PRKG2: variants seen among roughly 807,000 people sequenced by gnomAD.
The protein encoded by PRKG2 is cGMP-dependent protein kinase 2.
Under a neutral mutation model 97.2 loss-of-function variants are expected in PRKG2, and 33 were observed. The ratio of observed to expected loss-of-function variants is 0.34; its 90% CI spans 0.26 to 0.45. The LOEUF (loss-of-function observed/expected upper bound fraction) is 0.45, where lower values mean the gene tolerates loss of function less well. Ranked by LOEUF, PRKG2 falls within the 20% of genes least tolerant of loss-of-function variation. The pLI is 1.00. For missense variants in PRKG2, 638 were observed against 900.0 expected (o/e 0.71, Z 3.73); for synonymous variants, 330 against 321.8 (o/e 1.03, Z -0.27).
At chr4:81,097,986 T>C (rs1742297071) in intron 17 of PRKG2, among the ~76,000 whole-genome samples, 1 of 152,156 alleles carries the variant, frequency 6.6e-6, no homozygotes, top group African/African-American at 2.4e-5. Context: ...TGGTTAATAA[T>C]GAGAGGCAAG....
intron 2 of PRKG2, among the ~76,000 whole-genome samples, chr4:81,181,793 T>C (rs1477599361): frequency 1.1e-4 from 17 of 151,962 alleles, no homozygotes; most frequent in Admixed American, 1.1e-3. Context: ...TCATACTATG[T>C]AGTCCAGCAT....
chr4:81,128,562 G>A (rs1745836580), intron 14 of PRKG2, among the ~76,000 whole-genome samples: 1 of 152,154 alleles, frequency 6.6e-6, no homozygotes, highest in African/African-American at 2.4e-5. Flanking sequence ...AGCCTTGGGA[G>A]GGTGTATGTG....
intron 14 of PRKG2, among the ~76,000 whole-genome samples, chr4:81,111,574 C>T (rs1158203323): frequency 3.3e-5 from 5 of 152,050 alleles, no homozygotes; most frequent in Non-Finnish European, 7.4e-5. Flanking sequence ...CAGGTGACAT[C>T]TGAGCTTGGC....
intron 17 of PRKG2, among the ~76,000 whole-genome samples, chr4:81,098,117 A>C (rs1378925753): frequency 1.3e-5 from 2 of 152,132 alleles, no homozygotes; most frequent in Non-Finnish European, 1.5e-5. Context: ...GGCACAACCT[A>C]ATTAGCTGCC....
intron 1 of PRKG2, among the ~76,000 whole-genome samples, chr4:81,209,355 G>T (rs911096446): frequency 6.6e-6 from 1 of 152,070 alleles, no homozygotes; most frequent in African/African-American, 2.4e-5. Flanking sequence ...TCTGGAGTCT[G>T]TTATAAATAT....
At position 81,088,580 on chromosome 4, in the gene PRKG2, G is replaced by A. The variant is rs146687720; in HGVS notation, c.*1128C>T. The A allele has an allele frequency of 1.2e-4, 18 of 152,252 alleles. No homozygotes were observed. Among genetic ancestry groups the A allele is most frequent in the African/African-American group, 4.3e-4 (18 of 41,560 alleles). The allele number at this position is 152,252 out of a possible 1,614,324, so 9.4% of individuals were successfully genotyped here. ...GCAAGGAAGGGATAGGAGGGATGCT[G>A]TTGTCCCTTTTACTTCTGAAATCCT... On this transcript the variant is annotated 3_prime_UTR_variant, in exon 19 of 19. Transcript: ENST00000264399.
intron 15 of PRKG2, among the ~76,000 whole-genome samples, chr4:81,108,277 G>T (rs1743553107): frequency 6.6e-6 from 1 of 151,982 alleles, no homozygotes; most frequent in African/African-American, 2.4e-5. Flanking sequence ...AATTAAAGAT[G>T]ACTTTCCATG....
At chr4:81,148,612 G>A (rs113959290) in intron 9 of PRKG2, among the ~76,000 whole-genome samples, 7 of 152,260 alleles carry the variant, frequency 4.6e-5, no homozygotes, top group African/African-American at 1.7e-4. Flanking sequence ...TTCCCTAGAA[G>A]ATGCAGAATT....
At chr4:81,102,878 T>C (rs1367196898) in intron 17 of PRKG2, among the ~76,000 whole-genome samples, 1 of 152,206 alleles carries the variant, frequency 6.6e-6, no homozygotes, top group Non-Finnish European at 1.5e-5. Context: ...CATACCATGT[T>C]GATGTGCCCC....
In PRKG2 at chr4:81,164,841, T is replaced by C. The variant is rs554766262; in HGVS notation, c.912+2320A>G. The C allele has an allele frequency of 2.6e-5, 4 of 152,246 alleles. No individual in the cohort carries two copies. In the East Asian group the frequency reaches 7.7e-4, roughly 29 times the overall value. The allele number at this position is 152,246 out of a possible 1,614,324, so 9.4% of individuals were successfully genotyped here. On this transcript the variant is annotated intron_variant, in intron 6 of 18. Coordinates refer to ENST00000264399, the MANE Select transcript of PRKG2 (RefSeq NM_006259.3). ...CAGTGCAAAAGGCCACTGGATCAAATACCAAAGCACTGTGACTAACAGGTG... is the reference window on the plus strand; with the variant it reads ...CAGTGCAAAAGGCCACTGGATCAAACACCAAAGCACTGTGACTAACAGGTG...
At chr4:81,109,765 G>A (rs770975853) in intron 15 of PRKG2, among the ~76,000 whole-genome samples, 133 of 152,262 alleles carry the variant, frequency 8.7e-4, no homozygotes, top group East Asian at 5.8e-4. Flanking sequence ...ACAAATGTGA[G>A]GTAATATCAC....
chr4:81,149,647 TA>T (rs1466966928), intron 8 of PRKG2, among the ~76,000 whole-genome samples: 2 of 152,138 alleles, frequency 1.3e-5, no homozygotes, highest in African/African-American at 4.8e-5. Context: ...GGGTATCAGG[TA>T]AAGTACTTCT....
chr4:81,129,607 T>C (rs1302419611), intron 14 of PRKG2, among the ~76,000 whole-genome samples: 1 of 152,188 alleles, frequency 6.6e-6, no homozygotes, highest in African/African-American at 2.4e-5. Flanking sequence ...TTGTCTTTTT[T>C]TATCTTTGTT....
At chr4:81,156,860 A>G (rs565594023) in intron 6 of PRKG2, among the ~76,000 whole-genome samples, 43 of 152,308 alleles carry the variant, frequency 2.8e-4, no homozygotes, top group Non-Finnish European at 7.3e-5. Flanking sequence ...AGGCAGAAAT[A>G]AAGATGTTCT....
intron 6 of PRKG2, among the ~76,000 whole-genome samples, chr4:81,155,965 C>T (rs1451223947): frequency 1.3e-5 from 2 of 152,116 alleles, no homozygotes; most frequent in Non-Finnish European, 2.9e-5. Context: ...GTACCAGCCA[C>T]TGCAAAATCA....
intron 3 of PRKG2, 92 bp downstream of exon 3, chr4:81,174,701 G>A (rs1750772976): frequency 7.7e-7 from 1 of 1,294,684 alleles, no homozygotes; most frequent in Non-Finnish European, 1.1e-6. Context: ...TCTACAAATA[G>A]AGCAACCAGT....
intron 8 of PRKG2, among the ~76,000 whole-genome samples, chr4:81,151,741 T>C (rs772148144): frequency 6.6e-5 from 10 of 152,160 alleles, no homozygotes; most frequent in Non-Finnish European, 1.0e-4. Context: ...AACACCAATT[T>C]CATTTTCACT....
chr4:81,153,588 T>G lies in PRKG2; in HGVS notation c.990+56A>C, dbSNP rs377109614. 1.3e-3 allele frequency: 1,820 copies of G among 1,399,086 alleles called. 9 individuals carry two copies. Among genetic ancestry groups the G allele is most frequent in the Non-Finnish European group, 1.6e-3 (1,638 of 1,003,616 alleles). 86.7% of individuals were successfully genotyped at this position (1,399,086 alleles called of 1,614,324 possible). A position where few individuals can be genotyped will look rare whatever the true frequency, so the allele number is the denominator to read the frequency against. On this transcript the variant is annotated intron_variant, in intron 7 of 18. Coordinates refer to ENST00000264399, the MANE Select transcript of PRKG2 (RefSeq NM_006259.3). Reference sequence around the variant, plus strand: ...GCAATGCAAAGCATAGTTGAGTTTATGGCAAACTGATTTAAAATAATCTTT... The same window carrying G: ...GCAATGCAAAGCATAGTTGAGTTTAGGGCAAACTGATTTAAAATAATCTTT...
At chr4:81,212,147 A>C (rs1248055498) in intron 1 of PRKG2, among the ~76,000 whole-genome samples, 1 of 152,170 alleles carries the variant, frequency 6.6e-6, no homozygotes, top group Non-Finnish European at 1.5e-5. Flanking sequence ...CCCGGGGCTC[A>C]GTTTGGAATC....
Sources: gnomAD v4.1 joint callset for allele counts (sites outside exome capture counted in the v4.1 genomes callset) on GRCh38, gnomAD v4.1.1 for gene constraint, MANE v1.5 for transcripts, NCBI Gene and HGNC (gene_info 2026-07-23, HGNC 2026-07-21) for gene names.